Variants in SLIT3 observed in about 807,000 individuals in gnomAD.
SLIT3 encodes slit homolog 3 protein.
A neutral mutation model predicts 184.0 loss-of-function variants in SLIT3; 68 were observed. The ratio of observed to expected loss-of-function variants is 0.37; its 90% CI spans 0.30 to 0.45. The LOEUF is 0.45. Ranked by LOEUF, SLIT3 falls within the 20% of genes least tolerant of loss-of-function variation. The pLI, the probability that SLIT3 is intolerant of heterozygous loss-of-function variation, is 1.00. For missense variants in SLIT3, 1,707 were observed against 2,026.0 expected (o/e 0.84, Z 3.02); for synonymous variants, 831 against 828.6 (o/e 1.00, Z -0.05).
chr5:169,055,368 G>A (rs1448262646), intron 4 of SLIT3, among the ~76,000 whole-genome samples: 3 of 152,206 alleles, frequency 2.0e-5, no homozygotes, highest in Admixed American at 2.0e-4. Context: ...GTTAGGAAAG[G>A]CCTCTCTGGG....
intron 4 of SLIT3, among the ~76,000 whole-genome samples, chr5:169,044,792 TAGAAAG>T (rs1757570344): frequency 6.6e-6 from 1 of 152,208 alleles, no homozygotes; most frequent in Non-Finnish European, 1.5e-5. Flanking sequence ...CCAGGGTTGC[TAGAAAG>T]AGAATGTCTC....
chr5:168,917,589 C>A (rs1305553548), intron 4 of SLIT3, among the ~76,000 whole-genome samples: 1 of 152,206 alleles, frequency 6.6e-6, no homozygotes, highest in South Asian at 2.1e-4. Flanking sequence ...CACAGCCCTT[C>A]CCCCTGCTTC....
intron 5 of SLIT3, among the ~76,000 whole-genome samples, chr5:168,856,007 G>T (rs1449169238): frequency 1.3e-5 from 2 of 152,164 alleles, no homozygotes; most frequent in African/African-American, 4.8e-5. Flanking sequence ...TACTCAGGAG[G>T]ATGAGGCAGG....
intron 12 of SLIT3, 44 bp downstream of exon 12, chr5:168,785,863 C>G: frequency 7.0e-7 from 1 of 1,432,878 alleles, no homozygotes; most frequent in East Asian, 2.3e-5. Context: ...TGGGAGCCTT[C>G]CGACAGTACC....
chr5:168,876,002 T>C (rs974587621), intron 5 of SLIT3, among the ~76,000 whole-genome samples: 2 of 152,116 alleles, frequency 1.3e-5, no homozygotes, highest in African/African-American at 4.8e-5. Context: ...TGCATGGCCT[T>C]GCCTCGGATG....
At chr5:168,686,580 T>G (rs1308440440) in intron 30 of SLIT3, among the ~76,000 whole-genome samples, 1 of 152,196 alleles carries the variant, frequency 6.6e-6, no homozygotes, top group Non-Finnish European at 1.5e-5. Context: ...TGAGGAACCA[T>G]CATGTTTGTT....
chr5:168,738,101 A>G (rs982026856), intron 20 of SLIT3, among the ~76,000 whole-genome samples: 3 of 152,216 alleles, frequency 2.0e-5, no homozygotes, highest in Non-Finnish European at 4.4e-5. Flanking sequence ...AGTGGTTCTC[A>G]AAGTGTCATC....
intron 3 of SLIT3, among the ~76,000 whole-genome samples, chr5:169,208,090 AAAAGG>A (rs1167451282): frequency 6.6e-6 from 1 of 152,238 alleles, no homozygotes; most frequent in Non-Finnish European, 1.5e-5. Flanking sequence ...GAAAAAAAAG[AAAAGG>A]AAAGATCTGC....
At chr5:168,700,791 A>G (rs1407261700) in intron 26 of SLIT3, 112 bp from the exon 27 acceptor site, 6 of 763,802 alleles carry the variant, frequency 7.9e-6, no homozygotes, top group Non-Finnish European at 1.4e-5. Context: ...GGGAGATGAC[A>G]ACAAGGAGCC....
chr5:168,975,448 T>C (rs958165552), intron 4 of SLIT3, among the ~76,000 whole-genome samples: 1 of 151,650 alleles, frequency 6.6e-6, no homozygotes, highest in Non-Finnish European at 1.5e-5. Flanking sequence ...TTTGTGAACA[T>C]ACAGACACCC....
intron 4 of SLIT3, among the ~76,000 whole-genome samples, chr5:168,965,027 C>G (rs553149683): frequency 1.0e-3 from 158 of 152,280 alleles, no homozygotes; most frequent in African/African-American, 3.7e-3. Flanking sequence ...GCACTCACAT[C>G]CCTGAAAGAG....
intron 4 of SLIT3, among the ~76,000 whole-genome samples, chr5:169,138,240 C>A (rs1339801777): frequency 1.3e-5 from 2 of 152,230 alleles, no homozygotes; most frequent in Non-Finnish European, 2.9e-5. Context: ...CCCGTAAACG[C>A]ATGGGACTTA....
chr5:169,172,084 C>T lies in SLIT3; in HGVS notation c.413+21395G>A, dbSNP rs189211011. On this transcript the variant is annotated intron_variant, in intron 4 of 35. Coordinates refer to ENST00000519560, the MANE Select transcript of SLIT3 (RefSeq NM_003062.4). Reference sequence around the variant, plus strand: ...ATAAGAAAGCCTCGGAAATGTTTTTCAACTTTAGTGGATAAAAGGTCCTGG... The same window carrying T: ...ATAAGAAAGCCTCGGAAATGTTTTTTAACTTTAGTGGATAAAAGGTCCTGG... Among the ~76,000 whole-genome samples the T allele has an allele frequency of 2.6e-5, 4 of 152,252 alleles. No homozygotes were observed. The East Asian group carries it at 7.7e-4, about 29-fold the overall frequency.
At chr5:168,976,856 T>C (rs1264682267) in intron 4 of SLIT3, among the ~76,000 whole-genome samples, 1 of 152,244 alleles carries the variant, frequency 6.6e-6, no homozygotes, top group Non-Finnish European at 1.5e-5. Flanking sequence ...TCTGCATTCA[T>C]GCATCAAAAT....
intron 1 of SLIT3, among the ~76,000 whole-genome samples, chr5:169,284,262 TC>T (rs1026229647): frequency 6.6e-6 from 1 of 152,158 alleles, no homozygotes; most frequent in African/African-American, 2.4e-5. Context: ...CAATTAAAAC[TC>T]AGCTGTGGAT....
At chr5:169,039,010 T>C (rs1314102299) in intron 4 of SLIT3, among the ~76,000 whole-genome samples, 6 of 152,144 alleles carry the variant, frequency 3.9e-5, no homozygotes, top group African/African-American at 1.2e-4. Flanking sequence ...TGCTGGGGAT[T>C]GAAACATCGG....
intron 23 of SLIT3, among the ~76,000 whole-genome samples, chr5:168,715,653 G>A (rs1744534844): frequency 6.6e-6 from 1 of 152,192 alleles, no homozygotes; most frequent in Admixed American, 6.5e-5. Flanking sequence ...CAGGGCGAGA[G>A]GCAGAGGTAC....
At chr5:168,970,559 G>A (rs1335170554) in intron 4 of SLIT3, among the ~76,000 whole-genome samples, 2 of 151,754 alleles carry the variant, frequency 1.3e-5, no homozygotes, top group Non-Finnish European at 2.9e-5. Context: ...AACTAAAACA[G>A]TGTATGACAG....
intron 1 of SLIT3, among the ~76,000 whole-genome samples, chr5:169,261,703 C>T (rs984473833): frequency 4.6e-5 from 7 of 152,150 alleles, no homozygotes; most frequent in African/African-American, 7.2e-5. Context: ...TGCTGAATGC[C>T]GCAGACAGAT....
Sources: allele counts gnomAD v4.1 joint callset (sites outside exome capture counted in the v4.1 genomes callset), GRCh38; gene constraint gnomAD v4.1.1; transcripts MANE v1.5; gene names NCBI Gene and HGNC (gene_info 2026-07-23, HGNC 2026-07-21).